Variants in LHFPL3 observed in about 807,000 individuals in gnomAD.
LHFPL3 encodes LHFPL tetraspan subfamily member 3.
In LHFPL3, 5 loss-of-function variants were observed where a neutral mutation model predicts 19.3. The observed-to-expected ratio is 0.26, with a 90% CI of 0.14 to 0.54. The LOEUF is 0.54. Among genes scored for constraint, LHFPL3 ranks in the 20% least tolerant of loss-of-function variants. LHFPL3 has a pLI of 0.94. For missense variants in LHFPL3, 249 were observed against 307.4 expected (o/e 0.81, Z 1.42); for synonymous variants, 133 against 126.2 (o/e 1.05, Z -0.36).
chr7:104,526,182 T>C (rs1445104548), intron 1 of LHFPL3, among the ~76,000 whole-genome samples: 2 of 152,126 alleles, frequency 1.3e-5, no homozygotes, highest in African/African-American at 4.8e-5. Flanking sequence ...TTTTTGAAAA[T>C]TCAGATTTGC....
At chr7:104,651,851 G>C (rs1421854118) in intron 1 of LHFPL3, among the ~76,000 whole-genome samples, 2 of 152,212 alleles carry the variant, frequency 1.3e-5, no homozygotes, top group Non-Finnish European at 2.9e-5. Context: ...TCAGTTTCCT[G>C]ACTTGTAAAA....
chr7:104,836,953 G>A (rs547967520), intron 2 of LHFPL3, among the ~76,000 whole-genome samples: 5 of 152,240 alleles, frequency 3.3e-5, no homozygotes, highest in East Asian at 3.9e-4. Flanking sequence ...ATAATCCCAC[G>A]GCCAGATAAT....
intron 1 of LHFPL3, among the ~76,000 whole-genome samples, chr7:104,418,714 A>G (rs951437920): frequency 6.6e-6 from 1 of 152,228 alleles, no homozygotes; most frequent in Non-Finnish European, 1.5e-5. Context: ...GACTCAGAGA[A>G]GGGTCAGGTT....
At chr7:104,519,907 A>T (rs1794013990) in intron 1 of LHFPL3, among the ~76,000 whole-genome samples, 2 of 152,022 alleles carry the variant, frequency 1.3e-5, no homozygotes, top group African/African-American at 4.8e-5. Context: ...GTGCAAGTGG[A>T]ATTTATCCTG....
intron 1 of LHFPL3, among the ~76,000 whole-genome samples, chr7:104,646,118 G>A (rs1419600022): frequency 6.6e-6 from 1 of 152,044 alleles, no homozygotes; most frequent in African/African-American, 2.4e-5. Flanking sequence ...CAAGAACAAG[G>A]CACTTAACCT....
chr7:104,557,816 T>C (rs1220734078), intron 1 of LHFPL3, among the ~76,000 whole-genome samples: 2 of 150,588 alleles, frequency 1.3e-5, no homozygotes, highest in Middle Eastern at 3.2e-3. Flanking sequence ...CTCCCAATGC[T>C]ATCCCTCCCC....
At chr7:104,491,275 G>T (rs146258894) in intron 1 of LHFPL3, among the ~76,000 whole-genome samples, 1 of 152,128 alleles carries the variant, frequency 6.6e-6, no homozygotes, top group Non-Finnish European at 1.5e-5. Flanking sequence ...GAAACTGAAT[G>T]GAAAATGATA....
intron 1 of LHFPL3, among the ~76,000 whole-genome samples, chr7:104,481,490 C>A (rs563245388): frequency 6.6e-6 from 1 of 152,288 alleles, no homozygotes; most frequent in East Asian, 1.9e-4. Flanking sequence ...AAATCCCCAA[C>A]ACACCTGGAC....
At chr7:104,487,328 A>G (rs1255125274) in intron 1 of LHFPL3, among the ~76,000 whole-genome samples, 1 of 152,234 alleles carries the variant, frequency 6.6e-6, no homozygotes, top group Non-Finnish European at 1.5e-5. Flanking sequence ...AAAAATTAGT[A>G]AAAACAAGTA....
intron 2 of LHFPL3, among the ~76,000 whole-genome samples, chr7:104,886,877 A>ACATTC (rs1312652269): frequency 1.3e-5 from 2 of 152,232 alleles, no homozygotes; most frequent in Non-Finnish European, 2.9e-5. Context: ...AAAATCAAGC[A>ACATTC]CATTCCAGAA....
At chr7:104,778,738 T>C (rs73415679) in intron 2 of LHFPL3, among the ~76,000 whole-genome samples, 44,890 of 152,130 alleles carry the variant, frequency 0.3, 6,952 homozygotes, top group South Asian at 0.39. Context: ...GTGCCCCAGC[T>C]CTGGACCAGG....
At chr7:104,516,123 G>T (rs1351611478) in intron 1 of LHFPL3, among the ~76,000 whole-genome samples, 1 of 152,090 alleles carries the variant, frequency 6.6e-6, no homozygotes, top group African/African-American at 2.4e-5. Flanking sequence ...TCCTGAGGCT[G>T]AGGAGGCCTC....
At chr7:104,338,379 G>A (rs1185566234) in intron 1 of LHFPL3, among the ~76,000 whole-genome samples, 1 of 152,126 alleles carries the variant, frequency 6.6e-6, no homozygotes, top group Non-Finnish European at 1.5e-5. Flanking sequence ...GATTGCAGAT[G>A]TGAACCACTG....
At chr7:104,387,049 A>G (rs933128992) in intron 1 of LHFPL3, among the ~76,000 whole-genome samples, 1 of 152,230 alleles carries the variant, frequency 6.6e-6, no homozygotes, top group Non-Finnish European at 1.5e-5. Flanking sequence ...TGTTGGACCA[A>G]TTAGACAAAG....
chr7:104,668,813 G>A (rs1792415624), intron 1 of LHFPL3: 3 of 1,611,214 alleles, frequency 1.9e-6, no homozygotes, highest in Admixed American at 1.7e-5. Flanking sequence ...CACTCGAGCT[G>A]CTTCTATCTT....
At chr7:104,879,552 T>C (rs1434858026) in intron 2 of LHFPL3, among the ~76,000 whole-genome samples, 19 of 152,088 alleles carry the variant, frequency 1.2e-4, no homozygotes, top group Admixed American at 1.2e-3. Context: ...AGATCCCATC[T>C]CCACAAAATA....
At chr7:104,453,302 A>G (rs75789724) in intron 1 of LHFPL3, among the ~76,000 whole-genome samples, 2,219 of 151,106 alleles carry the variant, frequency 0.015, 69 homozygotes, top group East Asian at 0.13. Flanking sequence ...CTAGGGGGAG[A>G]TGGCGGGAAA....
chr7:104,462,943 T>C lies in LHFPL3; in HGVS notation c.445+133719T>C, dbSNP rs76989038. On this transcript the variant is annotated intron_variant, in intron 1 of 2. Transcript: ENST00000424859. ...GCTCATTATTGGTCTGTTTGGGAAA[T>C]TGATTTCTTCCCAGTTCAGTCTTTG... Among the ~76,000 whole-genome samples, 1,170 of 152,324 alleles carry C rather than the reference T, an allele frequency of 7.7e-3. 54 individuals carry two copies. In the East Asian group the frequency reaches 0.13, roughly 17 times the overall value.
At chr7:104,868,068 G>C (rs1791763558) in intron 2 of LHFPL3, among the ~76,000 whole-genome samples, 5 of 152,110 alleles carry the variant, frequency 3.3e-5, no homozygotes, top group Admixed American at 3.3e-4. Context: ...AGGTATTGAT[G>C]GGATGTATCT....
Sources: gnomAD v4.1 joint callset for allele counts (sites outside exome capture counted in the v4.1 genomes callset) on GRCh38, gnomAD v4.1.1 for gene constraint, MANE v1.5 for transcripts, NCBI Gene and HGNC (gene_info 2026-07-23, HGNC 2026-07-21) for gene names.